Variants in SLC5A4 observed in about 807,000 individuals in gnomAD.
SLC5A4 encodes probable glucose sensor protein SLC5A4.
Under a neutral mutation model 70.3 loss-of-function variants are expected in SLC5A4, and 55 were observed. That is an observed-to-expected ratio of 0.78 (90% CI 0.63 to 0.98). The LOEUF (loss-of-function observed/expected upper bound fraction) is 0.98, where lower values mean the gene tolerates loss of function less well. Among genes scored for constraint, SLC5A4 ranks in the 50% least tolerant of loss-of-function variants. The pLI, the probability that SLC5A4 is intolerant of heterozygous loss-of-function variation, is 0.00. For missense variants in SLC5A4, 735 were observed against 839.2 expected (o/e 0.88, Z 1.53); for synonymous variants, 268 against 305.7 (o/e 0.88, Z 1.29).
At chr22:32,248,544 A>C (rs1322921063) in intron 4 of SLC5A4, among the ~76,000 whole-genome samples, 199 bp downstream of exon 4, 1 of 152,160 alleles carries the variant, frequency 6.6e-6, no homozygotes, top group African/African-American at 2.4e-5. Flanking sequence ...ACATGGTTAC[A>C]TATCTTCCCT....
chr22:32,352,567 G>A, the SLC5A4 span, among the ~76,000 whole-genome samples: 6 of 152,148 alleles, frequency 3.9e-5, no homozygotes, highest in African/African-American at 1.4e-4. Context: ...CAGGAGATGC[G>A]GGGAAGACTC....
the SLC5A4 span, among the ~76,000 whole-genome samples, chr22:32,263,651 A>G: frequency 6.6e-6 from 1 of 152,220 alleles, no homozygotes; most frequent in African/African-American, 2.4e-5. Context: ...CGAATCCTCA[A>G]GGATCTAGAA....
chr22:32,328,450 ACT>A, the SLC5A4 span, among the ~76,000 whole-genome samples: 3 of 151,680 alleles, frequency 2.0e-5, no homozygotes, highest in African/African-American at 7.3e-5. Flanking sequence ...TGCACCTTGA[ACT>A]CTCTCTCCCA....
At chr22:32,289,893 T>G in the SLC5A4 span, among the ~76,000 whole-genome samples, 1 of 152,180 alleles carries the variant, frequency 6.6e-6, no homozygotes, top group Admixed American at 6.5e-5. Context: ...GGTTTTAGTA[T>G]CAGGGTAATT....
At chr22:32,331,319 T>C in the SLC5A4 span, among the ~76,000 whole-genome samples, 1 of 152,000 alleles carries the variant, frequency 6.6e-6, no homozygotes, top group African/African-American at 2.4e-5. Flanking sequence ...CTTTGGCCTC[T>C]CTGAGCCTGA....
the SLC5A4 span, chr22:32,271,263 C>A: frequency 1.3e-6 from 1 of 779,204 alleles, no homozygotes; most frequent in Non-Finnish European, 2.2e-6. Flanking sequence ...TCATGGACAG[C>A]TCCTTTGGAG....
rs752690504 is a variant in SLC5A4 at position 32,218,589 on chromosome 22, C to T, written c.1905G>A (p.Ser635=). 10 of 1,613,926 alleles carry T rather than the reference C, an allele frequency of 6.2e-6. No individual in the cohort carries two copies. In the East Asian group the frequency reaches 1.8e-4, roughly 29 times the overall value. The part of the protein sequence containing the change: ...KKLTDTSERP[S]WRTIVNINAI... ...CGTTGATGTTCACTATTGTCCTCCA[C>T]GAGGGCCTCTCAGACGTGTCTGTGA... Residue 635 remains serine, a synonymous_variant, in exon 15 of 15, where the codon TCG becomes TCA. Transcript: ENST00000266086.
the SLC5A4 span, among the ~76,000 whole-genome samples, chr22:32,341,187 G>A: frequency 2.0e-5 from 3 of 152,248 alleles, no homozygotes; most frequent in African/African-American, 7.2e-5. Context: ...AGAGACCAGG[G>A]GAGAAAGACT....
chr22:32,338,863 C>CA, the SLC5A4 span, among the ~76,000 whole-genome samples: 1 of 152,174 alleles, frequency 6.6e-6, no homozygotes, highest in Non-Finnish European at 1.5e-5. Flanking sequence ...GAAATCATTC[C>CA]AGAAAAGGAA....
At chr22:32,316,553 A>G in the SLC5A4 span, among the ~76,000 whole-genome samples, 1 of 152,096 alleles carries the variant, frequency 6.6e-6, no homozygotes, top group Non-Finnish European at 1.5e-5. Flanking sequence ...TTTTAAAGAC[A>G]GAGTCTCACT....
At chr22:32,239,917 G>A (rs183189092) in intron 5 of SLC5A4, among the ~76,000 whole-genome samples, 2 of 149,558 alleles carry the variant, frequency 1.3e-5, no homozygotes, top group Non-Finnish European at 3.0e-5. Context: ...CCAGCTACTC[G>A]GGAGGCTGAG....
At chr22:32,249,525 A>G (rs1245495298) in intron 3 of SLC5A4, among the ~76,000 whole-genome samples, 2 of 152,226 alleles carry the variant, frequency 1.3e-5, no homozygotes, top group East Asian at 1.9e-4. Context: ...GGCTGGGTCC[A>G]TCCTGGACTC....
intron 3 of SLC5A4, among the ~76,000 whole-genome samples, chr22:32,251,149 C>CA (rs1169115054): frequency 0.096 from 2,187 of 22,774 alleles, 235 homozygotes; most frequent in Non-Finnish European, 0.13. Flanking sequence ...AACAAATAAG[C>CA]AAAAAAAAAA....
the SLC5A4 span, among the ~76,000 whole-genome samples, chr22:32,343,651 C>T: frequency 0.011 from 1,611 of 152,308 alleles, 10 homozygotes; most frequent in Non-Finnish European, 0.015. Context: ...AGCTAATCTT[C>T]ATGCATAGCT....
At chr22:32,288,042 G>A in the SLC5A4 span, among the ~76,000 whole-genome samples, 1 of 147,564 alleles carries the variant, frequency 6.8e-6, no homozygotes, top group Non-Finnish European at 1.5e-5. Flanking sequence ...TAGAGATGAG[G>A]TTTCACCATA....
At chr22:32,313,180 G>T in the SLC5A4 span, among the ~76,000 whole-genome samples, 1 of 152,274 alleles carries the variant, frequency 6.6e-6, no homozygotes, top group South Asian at 2.1e-4. Flanking sequence ...ATACATAGAG[G>T]TATAATAGTC....
At chr22:32,328,510 G>A in the SLC5A4 span, among the ~76,000 whole-genome samples, 344 of 152,164 alleles carry the variant, frequency 2.3e-3, 2 homozygotes, top group African/African-American at 7.8e-3. Flanking sequence ...GCTACCCTGC[G>A]GAGAGGCCCA....
chr22:32,275,330 C>T, the SLC5A4 span, among the ~76,000 whole-genome samples: 1 of 152,138 alleles, frequency 6.6e-6, no homozygotes, highest in Non-Finnish European at 1.5e-5. Context: ...CCCATTAACT[C>T]GTCATTTAGC....
At chr22:32,261,568 AC>A in the SLC5A4 span, among the ~76,000 whole-genome samples, 1 of 152,094 alleles carries the variant, frequency 6.6e-6, no homozygotes, top group Admixed American at 6.5e-5. Context: ...GAGTCCTGCC[AC>A]CCCGAACTTC....
Sources: gnomAD v4.1 joint callset for allele counts (sites outside exome capture counted in the v4.1 genomes callset) on GRCh38, gnomAD v4.1.1 for gene constraint, MANE v1.5 for transcripts, NCBI Gene and HGNC (gene_info 2026-07-23, HGNC 2026-07-21) for gene names.